EIPR1: variants seen among roughly 807,000 people sequenced by gnomAD.
The protein encoded by EIPR1 is EARP and GARP complex-interacting protein 1.
A neutral mutation model predicts 48.1 loss-of-function variants in EIPR1; 25 were observed. The ratio of observed to expected loss-of-function variants is 0.52; its 90% CI spans 0.38 to 0.73. EIPR1 has a LOEUF of 0.73. Among genes scored for constraint, EIPR1 ranks in the 30% least tolerant of loss-of-function variants. EIPR1 has a pLI of 0.00. For missense variants in EIPR1, 415 were observed against 506.2 expected (o/e 0.82, Z 1.73); for synonymous variants, 204 against 201.9 (o/e 1.01, Z -0.09).
intron 1 of EIPR1, among the ~76,000 whole-genome samples, chr2:3,366,961 C>G: frequency 6.6e-6 from 1 of 152,162 alleles, no homozygotes; most frequent in East Asian, 1.9e-4. Context: ...AGGAGAATCA[C>G]TTGAACCTGG....
chr2:3,350,720 C>G (rs1670546770), intron 2 of EIPR1, among the ~76,000 whole-genome samples: 1 of 152,112 alleles, frequency 6.6e-6, no homozygotes, highest in Non-Finnish European at 1.5e-5. Context: ...ACAAAACCAG[C>G]AAGTCAAAAA....
intron 4 of EIPR1, among the ~76,000 whole-genome samples, chr2:3,243,756 C>T (rs1170557592): frequency 1.3e-5 from 2 of 152,208 alleles, no homozygotes; most frequent in Non-Finnish European, 2.9e-5. Flanking sequence ...TCACCCAGCC[C>T]TCCATTCCTC....
intron 4 of EIPR1, among the ~76,000 whole-genome samples, chr2:3,224,420 T>A (rs1665993399): frequency 2.0e-5 from 3 of 152,106 alleles, no homozygotes; most frequent in African/African-American, 7.2e-5. Context: ...ACTAGAAAGA[T>A]TCAGAATTGG....
At chr2:3,356,352 G>GT (rs1455315333) in intron 1 of EIPR1, among the ~76,000 whole-genome samples, 2 of 152,220 alleles carry the variant, frequency 1.3e-5, no homozygotes, top group Non-Finnish European at 2.9e-5. Flanking sequence ...AACGTAGGCT[G>GT]TATACAACAG....
At chr2:3,203,425 T>C (rs890229014) in intron 5 of EIPR1, among the ~76,000 whole-genome samples, 1 of 152,074 alleles carries the variant, frequency 6.6e-6, no homozygotes, top group African/African-American at 2.4e-5. Context: ...GTAACGTAAA[T>C]AAACCTGATT....
At chr2:3,375,388 T>A (rs775671526) in intron 1 of EIPR1, among the ~76,000 whole-genome samples, 11 of 148,304 alleles carry the variant, frequency 7.4e-5, no homozygotes, top group East Asian at 5.9e-4. Flanking sequence ...AATAATAATT[T>A]AAAAAAAAAA....
chr2:3,240,157 T>TCCTTCCTAAAGCAAAGCCAGCAGAG (rs1666554831), intron 4 of EIPR1, among the ~76,000 whole-genome samples: 2 of 25,226 alleles, frequency 7.9e-5, no homozygotes, highest in Non-Finnish European at 1.9e-4. Flanking sequence ...AGCCAGCAGA[T>TCCTTCCTAAAGCAAAGCCAGCAGAG]CCTTCCTAAA....
intron 3 of EIPR1, among the ~76,000 whole-genome samples, chr2:3,311,380 AT>A (rs1196872682): frequency 6.6e-6 from 1 of 152,276 alleles, no homozygotes; most frequent in Admixed American, 6.5e-5. Context: ...TTAAAAAAAA[AT>A]ATTTTTAGAA....
At chr2:3,342,650 C>CA (rs899461453) in intron 2 of EIPR1, among the ~76,000 whole-genome samples, 14 of 152,232 alleles carry the variant, frequency 9.2e-5, no homozygotes, top group African/African-American at 3.4e-4. Context: ...CACAGCTTTC[C>CA]AATGGGACTC....
chr2:3,194,754 A>G (rs536619174), intron 6 of EIPR1, among the ~76,000 whole-genome samples: 98 of 151,732 alleles, frequency 6.5e-4, no homozygotes, highest in African/African-American at 2.3e-3. Context: ...CTATCTATCT[A>G]TAGATATATA....
At chr2:3,302,700 C>A (rs533327367) in intron 3 of EIPR1, among the ~76,000 whole-genome samples, 1 of 152,252 alleles carries the variant, frequency 6.6e-6, no homozygotes, top group South Asian at 2.1e-4. Flanking sequence ...GCCCTCCCTG[C>A]ATCCTGGAAC....
chr2:3,243,719 G>A (rs1305910142), intron 4 of EIPR1, among the ~76,000 whole-genome samples: 1 of 152,176 alleles, frequency 6.6e-6, no homozygotes, highest in Non-Finnish European at 1.5e-5. Flanking sequence ...ATTTATCAGT[G>A]TGTAGGCAGA....
chr2:3,238,605 G>A (rs546795723), intron 4 of EIPR1, among the ~76,000 whole-genome samples: 54 of 152,356 alleles, frequency 3.5e-4, no homozygotes, highest in African/African-American at 1.3e-3. Flanking sequence ...AGAATTTAGA[G>A]ACTTTTGTTT....
intron 1 of EIPR1, among the ~76,000 whole-genome samples, chr2:3,362,662 A>C (rs1289631332): frequency 6.6e-6 from 1 of 151,912 alleles, no homozygotes; most frequent in Non-Finnish European, 1.5e-5. Flanking sequence ...AAAAAAAAAA[A>C]AAGGAGAAGA....
At chr2:3,365,959 G>T (rs1487148961) in intron 1 of EIPR1, among the ~76,000 whole-genome samples, 1 of 42,684 alleles carries the variant, frequency 2.3e-5, no homozygotes, top group Non-Finnish European at 8.6e-5. Context: ...GTCCGGGAGG[G>T]AGGTGGGGGG....
chr2:3,257,742 C>T (rs913374265), intron 3 of EIPR1, among the ~76,000 whole-genome samples: 5 of 152,112 alleles, frequency 3.3e-5, no homozygotes, highest in Admixed American at 6.5e-5. Flanking sequence ...GATTTCCTTC[C>T]GTTCTTCTTC....
chr2:3,225,222 A>ATGTGTGTGTGTGTGTGTGTGTGTGTG (rs61557621), intron 4 of EIPR1, among the ~76,000 whole-genome samples: 2 of 136,928 alleles, frequency 1.5e-5, no homozygotes, highest in Non-Finnish European at 3.1e-5. Flanking sequence ...ACACTGTGAT[A>ATGTGTGTGTGTGTGTGTGTGTGTGTG]TGTGTGTGTG....
At position 3,251,836 on chromosome 2, in the gene EIPR1, A is replaced by T. The variant is rs1667008006; in HGVS notation, c.416+5463T>A. Among the ~76,000 whole-genome samples the T allele has an allele frequency of 1.3e-5, 2 of 152,224 alleles. 1 individual carries two copies. The highest frequency in any genetic ancestry group is 4.1e-4 in the South Asian group (2 of 4,826). The stretch of plus-strand genomic sequence containing the variant: ...TTCCCAGGAACAGAGACAATTTCAT[A>T]ATCACACTGTGAGGAACACAAATGG... On this transcript the variant is annotated intron_variant, in intron 4 of 8. Transcript: ENST00000382125.
intron 1 of EIPR1, among the ~76,000 whole-genome samples, chr2:3,365,859 G>T (rs1670959800): frequency 6.6e-6 from 1 of 151,922 alleles, no homozygotes; most frequent in African/African-American, 2.4e-5. Flanking sequence ...AAAATGAAAA[G>T]TCTCCCATGT....
Sources: allele counts gnomAD v4.1 joint callset (sites outside exome capture counted in the v4.1 genomes callset), GRCh38; gene constraint gnomAD v4.1.1; transcripts MANE v1.5; gene names NCBI Gene and HGNC (gene_info 2026-07-23, HGNC 2026-07-21).